Variants in C3AR1 observed in about 807,000 individuals in gnomAD.
C3AR1 encodes the protein C3a anaphylatoxin chemotactic receptor.
For missense variants in C3AR1, 579 were observed against 583.5 expected (o/e 0.99, Z 0.08); for synonymous variants, 208 against 225.3 (o/e 0.92, Z 0.69).
chr12:8,059,091 C>T lies in C3AR1; in HGVS notation c.1095G>A (p.Arg365=). ...TGCTCTGAGACTTGGCGAAGCGGCC[C>T]CTTTGCATTCGGAAGACAATGAAGC... The part of the protein sequence containing the change: ...CYSFIVFRMQ[R]GRFAKSQSKT... Residue 365 remains arginine, a synonymous_variant, in exon 2 of 2, where the codon AGG becomes AGA. Coordinates refer to ENST00000307637, the MANE Select transcript of C3AR1 (RefSeq NM_004054.4). 3 of 1,614,166 alleles carry T rather than the reference C, an allele frequency of 1.9e-6. No individual in the cohort carries two copies. Among genetic ancestry groups the T allele is most frequent in the South Asian group, 2.2e-5 (2 of 91,084 alleles).
Position 8,059,056 on chromosome 12 carries a change from C to T in C3AR1, c.1130G>A (p.Arg377Gln), listed in dbSNP as rs751723531. The change falls in exon 2 of 2, where the codon CGA becomes CAA. Residue 377 changes from arginine to glutamine, a missense_variant. Physicochemically the swap from Arg to Gln is conservative, Grantham distance 43. Coordinates refer to ENST00000307637, the MANE Select transcript of C3AR1 (RefSeq NM_004054.4). Reference protein sequence around the residue: ...RFAKSQSKTFRVAVVVVAVFL... With the variant: ...RFAKSQSKTFQVAVVVVAVFL... ...GACAGCCACCACCACCACGGCCACT[C>T]GAAAGGTTTTGCTCTGAGACTTGGC... The T allele has an allele frequency of 5.0e-6, 8 of 1,614,124 alleles. No homozygotes were observed. Among genetic ancestry groups the T allele is most frequent in the Middle Eastern group, 3.3e-4 (2 of 6,062 alleles).
chr12:8,059,860 C>T lies in C3AR1; in HGVS notation c.326G>A (p.Ser109Asn), dbSNP rs746946191. ...GCTAATGGCAGTAAGCAGGAAGACA[C>T]TGGCAAACATGTTGAGGACAATGAT... ...PSIIVLNMFA[S>N]VFLLTAISLD... The change falls in exon 2 of 2, where the codon AGT becomes AAT. Residue 109 changes from serine (S) to asparagine (N), a missense_variant. By Grantham distance (46) the Ser-to-Asn change is conservative. Transcript: ENST00000307637. 3 of 1,614,150 alleles carry T rather than the reference C, an allele frequency of 1.9e-6. No individual in the cohort carries two copies. The South Asian group carries it at 3.3e-5, about 18-fold the overall frequency.
chr12:8,061,655 T>C (rs1947275452), intron 1 of C3AR1, among the ~76,000 whole-genome samples: 2 of 152,032 alleles, frequency 1.3e-5, no homozygotes, highest in Admixed American at 1.3e-4. Flanking sequence ...AGAGACAGGT[T>C]TTGCCATGTT....
chr12:8,063,980 G>C (rs1966409), intron 1 of C3AR1, among the ~76,000 whole-genome samples: 34,589 of 151,902 alleles, frequency 0.23, 4,668 homozygotes, highest in Middle Eastern at 0.31. Context: ...GCTGAGGCAC[G>C]AGAATCGCTT....
In C3AR1 at chr12:8,058,575, C is replaced by T. The variant is rs1947219780; in HGVS notation, c.*162G>A. The T allele has an allele frequency of 2.6e-6, 2 of 758,746 alleles. No individual in the cohort carries two copies. Among genetic ancestry groups the T allele is most frequent in the Non-Finnish European group, 4.2e-6 (2 of 475,504 alleles). 47.0% of individuals were successfully genotyped at this position (758,746 alleles called of 1,614,324 possible). On this transcript the variant is annotated 3_prime_UTR_variant, in exon 2 of 2. Coordinates refer to ENST00000307637, the MANE Select transcript of C3AR1 (RefSeq NM_004054.4). ...GAGAATTTGCATTTCTAACAAGTTT[C>T]TAGGTGATGCTGATGTCAATAGTCT...
Position 8,058,631 on chromosome 12 carries a change from CTTT to C in C3AR1, c.*103_*105del, listed in dbSNP as rs1323368841. 7 of 1,259,078 alleles carry C rather than the reference CTTT, an allele frequency of 5.6e-6. No homozygotes were observed. The highest frequency in any genetic ancestry group is 7.8e-6 in the Non-Finnish European group (7 of 902,210). 78.0% of individuals were successfully genotyped at this position (1,259,078 alleles called of 1,614,324 possible). A position where few individuals can be genotyped will look rare whatever the true frequency, so the allele number is the denominator to read the frequency against. ...CCGTTTGAGAACCGCTGGATTGATT[CTTT>C]GACAGTTTTTGAAGTCCGCTGCTCA... is the stretch of plus-strand genomic sequence containing the variant. On this transcript the variant is annotated 3_prime_UTR_variant, in exon 2 of 2. Transcript: ENST00000307637.
chr12:8,061,043 G>A (rs1380261385), intron 1 of C3AR1, among the ~76,000 whole-genome samples: 3 of 152,110 alleles, frequency 2.0e-5, no homozygotes, highest in East Asian at 1.9e-4. Context: ...CAGAGGACTC[G>A]CCGCCACAGA....
At position 8,058,477 on chromosome 12, in the gene C3AR1, G is replaced by A. The variant is rs895431584; in HGVS notation, c.*260C>T. ...CTTACATTTAGCATTAATCAGAAAC[G>A]AGGGTTTGTTAAGTGCCCTTGCTGG... On this transcript the variant is annotated 3_prime_UTR_variant, in exon 2 of 2. Coordinates refer to ENST00000307637, the MANE Select transcript of C3AR1 (RefSeq NM_004054.4). The A allele has an allele frequency of 1.3e-5, 5 of 397,896 alleles. No homozygotes were observed. The highest frequency in any genetic ancestry group is 1.0e-4 in the African/African-American group (5 of 49,212). 24.6% of individuals were successfully genotyped at this position (397,896 alleles called of 1,614,324 possible). A position where few individuals can be genotyped will look rare whatever the true frequency, so the allele number is the denominator to read the frequency against.
At position 8,057,153 on chromosome 12, in the gene C3AR1, C is replaced by G. The variant is rs938134470; in HGVS notation, c.*1584G>C. On this transcript the variant is annotated 3_prime_UTR_variant, in exon 2 of 2. Coordinates refer to ENST00000307637, the MANE Select transcript of C3AR1 (RefSeq NM_004054.4). The stretch of plus-strand genomic sequence containing the variant: ...AGATGAGGCCACGTTGTGATACAAA[C>G]AAGCCAGAAATTTCAGACGTTTGAC... Among the ~76,000 whole-genome samples the G allele has an allele frequency of 6.6e-6, 1 of 152,130 alleles. No homozygotes were observed. Among genetic ancestry groups the G allele is most frequent in the Non-Finnish European group, 1.5e-5 (1 of 68,010 alleles).
In C3AR1 at chr12:8,059,929, C is replaced by T; in HGVS notation, c.257G>A (p.Gly86Glu). The change falls in exon 2 of 2, where the codon GGA becomes GAA. Residue 86 changes from glycine (G) to glutamate (E), a missense_variant. Coordinates refer to ENST00000307637, the MANE Select transcript of C3AR1 (RefSeq NM_004054.4). ...TAGGAACCTGCCGTAGGGCCACTGT[C>T]CCTGGAGAGCCAAGTGAGCCAGCGA... is the stretch of plus-strand genomic sequence containing the variant. Reference protein sequence around the residue: ...PFSLAHLALQGQWPYGRFLCK... With the variant: ...PFSLAHLALQEQWPYGRFLCK... The T allele has an allele frequency of 6.2e-7, 1 of 1,614,118 alleles. No homozygotes were observed. Among genetic ancestry groups the T allele is most frequent in the South Asian group, 1.1e-5 (1 of 91,070 alleles).
chr12:8,060,181 G>A lies in C3AR1; in HGVS notation c.5C>T (p.Ala2Val), dbSNP rs371493019. The A allele has an allele frequency of 4.2e-5, 67 of 1,581,984 alleles. No individual in the cohort carries two copies. The highest frequency in any genetic ancestry group is 5.4e-5 in the African/African-American group (4 of 73,652). M[A>V]SFSAETNSTD... Reference sequence around the variant, plus strand: ...TGAATTGGTCTCAGCAGAGAAAGACGCCATTGCTAAACTTCTGCAAAAAGA... The same window carrying A: ...TGAATTGGTCTCAGCAGAGAAAGACACCATTGCTAAACTTCTGCAAAAAGA... Residue 2 changes from alanine to valine, a missense_variant, in exon 2 of 2, where the codon GCG becomes GTG. Transcript: ENST00000307637.
In C3AR1 at chr12:8,058,539, G is replaced by T; in HGVS notation, c.*198C>A. 1 of 599,066 alleles carries T rather than the reference G, an allele frequency of 1.7e-6. No individual in the cohort carries two copies. The highest frequency in any genetic ancestry group is 2.8e-6 in the Non-Finnish European group (1 of 353,588). The allele number at this position is 599,066 out of a possible 1,614,324, so 37.1% of individuals were successfully genotyped here. On this transcript the variant is annotated 3_prime_UTR_variant, in exon 2 of 2. Coordinates refer to ENST00000307637, the MANE Select transcript of C3AR1 (RefSeq NM_004054.4). ...CAGAGATTCCGATTCAGCAAGTCTG[G>T]GATGCGGCTTGAGAATTTGCATTTC...
Position 8,057,465 on chromosome 12 carries a change from T to C in C3AR1, c.*1272A>G, listed in dbSNP as rs1426066533. ...AAAAGAGCAGCATAAGCACATGATT[T>C]AGAAACATCATGATAATTATCAAAG... On this transcript the variant is annotated 3_prime_UTR_variant, in exon 2 of 2. Transcript: ENST00000307637. Among the ~76,000 whole-genome samples, 2 of 152,196 alleles carry C rather than the reference T, an allele frequency of 1.3e-5. No individual in the cohort carries two copies. Among genetic ancestry groups the C allele is most frequent in the Non-Finnish European group, 2.9e-5 (2 of 68,030 alleles).
In C3AR1 at chr12:8,058,879, G is replaced by C. The variant is rs772977304; in HGVS notation, c.1307C>G (p.Ala436Gly). ...ANSCFNPFLY[A>G]LLGKDFRKKA... ...CTTCCTAAAATCTTTCCCCAAGAGG[G>C]CATAAAGGAAGGGATTAAAGCAACT... Residue 436 changes from alanine (A) to glycine (G), a missense_variant, in exon 2 of 2, where the codon GCC (alanine) becomes GGC (glycine). Physicochemically the swap from Ala to Gly is moderately conservative, Grantham distance 60. Transcript: ENST00000307637. The C allele has an allele frequency of 1.2e-6, 2 of 1,614,170 alleles. No individual in the cohort carries two copies. The highest frequency in any genetic ancestry group is 8.5e-7 in the Non-Finnish European group (1 of 1,180,042).
intron 1 of C3AR1, among the ~76,000 whole-genome samples, chr12:8,062,739 G>T (rs1039058209): frequency 1.3e-5 from 2 of 151,996 alleles, no homozygotes; most frequent in African/African-American, 4.8e-5. Flanking sequence ...CCTCCTCCCG[G>T]GTTCAAGTGA....
intron 1 of C3AR1, among the ~76,000 whole-genome samples, chr12:8,064,564 C>T (rs1315835982): frequency 6.6e-6 from 1 of 151,818 alleles, no homozygotes; most frequent in Non-Finnish European, 1.5e-5. Flanking sequence ...TGGCACATGC[C>T]TGTAATCCCA....
intron 1 of C3AR1, among the ~76,000 whole-genome samples, chr12:8,063,024 C>T (rs1358819875): frequency 8.1e-6 from 1 of 123,504 alleles, no homozygotes; most frequent in Admixed American, 1.0e-4. Flanking sequence ...ATGGTGCGAT[C>T]TCGGCTCACT....
Position 8,059,971 on chromosome 12 carries a change from C to G in C3AR1, c.215G>C (p.Cys72Ser), listed in dbSNP as rs1947255718. Reference protein sequence around the residue: ...LHLTLADLLCCLSLPFSLAHL... With the variant: ...LHLTLADLLCSLSLPFSLAHL... ...AGCCAGCGAGAAGGGCAAGGAGAGG[C>G]AGCAGAGGAGGTCCGCCAAGGTGAG... The change falls in exon 2 of 2, where the codon TGC becomes TCC. Residue 72 changes from cysteine (C) to serine (S), a missense_variant. By Grantham distance (112) the Cys-to-Ser change is moderately radical (BLOSUM62 -1). Coordinates refer to ENST00000307637, the MANE Select transcript of C3AR1 (RefSeq NM_004054.4). The G allele has an allele frequency of 6.2e-7, 1 of 1,614,026 alleles. No homozygotes were observed. Among genetic ancestry groups the G allele is most frequent in the South Asian group, 1.1e-5 (1 of 91,072 alleles).
In C3AR1 at chr12:8,060,007, C is replaced by A. The variant is rs755170361; in HGVS notation, c.179G>T (p.Trp60Leu). The change falls in exon 2 of 2, where the codon TGG becomes TTG. Residue 60 changes from tryptophan to leucine, a missense_variant. Coordinates refer to ENST00000307637, the MANE Select transcript of C3AR1 (RefSeq NM_004054.4). ...LKMQRTVNTIWFLHLTLADLL... is the reference protein window; with the variant it reads ...LKMQRTVNTILFLHLTLADLL... Reference sequence around the variant, plus strand: ...GTCCGCCAAGGTGAGGTGGAGGAACCAAATTGTGTTCACTGTCCGCTGCAT... The same window carrying A: ...GTCCGCCAAGGTGAGGTGGAGGAACAAAATTGTGTTCACTGTCCGCTGCAT... 4 of 1,614,018 alleles carry A rather than the reference C, an allele frequency of 2.5e-6. No homozygotes were observed.
Sources: gnomAD v4.1 joint callset for allele counts (sites outside exome capture counted in the v4.1 genomes callset) on GRCh38, gnomAD v4.1.1 for gene constraint, MANE v1.5 for transcripts, NCBI Gene and HGNC (gene_info 2026-07-23, HGNC 2026-07-21) for gene names.